POU6F2: variants seen among roughly 807,000 people sequenced by gnomAD.
The protein encoded by POU6F2 is POU domain, class 6, transcription factor 2.
Under a neutral mutation model 71.3 loss-of-function variants are expected in POU6F2, and 31 were observed. The observed-to-expected ratio is 0.43, with a 90% CI of 0.33 to 0.59. The LOEUF (loss-of-function observed/expected upper bound fraction) is 0.59. POU6F2 is among the 20% of genes least tolerant of loss of function. The pLI is 0.04. For synonymous variants in POU6F2, 347 were observed against 355.7 expected, an observed-to-expected ratio of 0.98 and a Z score of 0.27; for missense variants, 783 against 856.8, an observed-to-expected ratio of 0.91 and a Z score of 1.07.
chr7:39,142,039 A>G (rs1176225457), intron 2 of POU6F2, among the ~76,000 whole-genome samples: 1 of 152,074 alleles, frequency 6.6e-6, no homozygotes, highest in Non-Finnish European at 1.5e-5. Flanking sequence ...GTGAGCGGAG[A>G]TCGTGCCACT....
intron 2 of POU6F2, among the ~76,000 whole-genome samples, chr7:39,188,571 C>A (rs1203083363): frequency 2.0e-5 from 3 of 152,178 alleles, no homozygotes; most frequent in Non-Finnish European, 4.4e-5. Flanking sequence ...CCTTGGCCCC[C>A]CAAAGTGCTG....
intron 1 of POU6F2, among the ~76,000 whole-genome samples, chr7:39,012,898 G>T (rs1789342062): frequency 6.6e-6 from 1 of 152,314 alleles, no homozygotes; most frequent in East Asian, 1.9e-4. Context: ...ATCTCCAGCT[G>T]CGTGCTGGGA....
intron 5 of POU6F2, chr7:39,373,431 C>T (rs1210823660): frequency 4.4e-6 from 2 of 456,658 alleles, no homozygotes; most frequent in East Asian, 6.9e-5. Context: ...TGTTCCTGTT[C>T]TGTAGCCCAG....
chr7:39,148,242 C>T (rs539731336), intron 2 of POU6F2, among the ~76,000 whole-genome samples: 7 of 152,214 alleles, frequency 4.6e-5, no homozygotes, highest in Non-Finnish European at 1.0e-4. Context: ...GTTGGACCTT[C>T]TTGAGAATTG....
intron 2 of POU6F2, among the ~76,000 whole-genome samples, chr7:39,194,850 T>C (rs1196525825): frequency 6.6e-6 from 1 of 152,108 alleles, no homozygotes; most frequent in Admixed American, 6.5e-5. Flanking sequence ...GAAGAAGCAA[T>C]TCTGGACGTG....
chr7:39,349,688 G>A (rs1397770602), intron 5 of POU6F2, among the ~76,000 whole-genome samples: 1 of 152,178 alleles, frequency 6.6e-6, no homozygotes, highest in Non-Finnish European at 1.5e-5. Context: ...GTGGGGCATT[G>A]TCTTAGTTAC....
chr7:39,258,161 G>C (rs943720252), intron 4 of POU6F2, among the ~76,000 whole-genome samples: 1 of 152,104 alleles, frequency 6.6e-6, no homozygotes, highest in African/African-American at 2.4e-5. Context: ...ATAATACCAC[G>C]TAGATGACTT....
rs116743936 is a variant in POU6F2 at position 39,391,116 on chromosome 7, A to G, written c.973-15484A>G. 9.8e-3 allele frequency among the ~76,000 whole-genome samples: 1,492 copies of G among 152,296 alleles called. 31 individuals are homozygous for G. The highest frequency in any genetic ancestry group is 0.035 in the African/African-American group (1,435 of 41,564). On this transcript the variant is annotated intron_variant, in intron 5 of 9. Coordinates refer to ENST00000518318, the MANE Select transcript of POU6F2 (RefSeq NM_001370959.1). The stretch of plus-strand genomic sequence containing the variant: ...AATACATTATTCTTAAAACATTATG[A>G]ACTTCCATTTTATTTTGGTAAATTC...
intron 4 of POU6F2, among the ~76,000 whole-genome samples, chr7:39,294,458 G>A (rs565818669): frequency 6.6e-6 from 1 of 151,624 alleles, no homozygotes; most frequent in South Asian, 2.1e-4. Flanking sequence ...CTTTGGATAA[G>A]CAAAACAAAA....
rs151245355 is a variant in POU6F2, at chr7:39,333,762, A to G, written c.599-5880A>G. Among the ~76,000 whole-genome samples, 577 of 152,236 alleles carry G rather than the reference A, an allele frequency of 3.8e-3. 8 individuals carry two copies. Among genetic ancestry groups the G allele is most frequent in the African/African-American group, 0.013 (554 of 41,536 alleles). On this transcript the variant is annotated intron_variant, in intron 4 of 9. Transcript: ENST00000518318. ...CAAAAATAAATAAATAAATATAAAA[A>G]TAGTCTCAGTGTTGGGGAGCTGCAT...
intron 1 of POU6F2, among the ~76,000 whole-genome samples, chr7:39,017,626 A>G (rs1271357474): frequency 6.6e-6 from 1 of 152,098 alleles, no homozygotes; most frequent in Non-Finnish European, 1.5e-5. Context: ...CTCCTACCTC[A>G]TCTACTACAA....
rs547669823 is a variant in POU6F2, at chr7:39,075,327, C to G, written c.106-10533C>G. 4.6e-4 allele frequency among the ~76,000 whole-genome samples: 70 copies of G among 152,166 alleles called. 1 individual carries two copies. Among genetic ancestry groups the G allele is most frequent in the Admixed American group, 4.6e-3 (70 of 15,300 alleles). On this transcript the variant is annotated intron_variant, in intron 1 of 9. Coordinates refer to ENST00000518318, the MANE Select transcript of POU6F2 (RefSeq NM_001370959.1). ...CTGGCATGGTGGGTTGGAGTTCTGG[C>G]CCAACTCAGAAACTACTCTGGAAAC...
At chr7:39,461,624 C>T (rs1178547285) in intron 9 of POU6F2, among the ~76,000 whole-genome samples, 1 of 152,108 alleles carries the variant, frequency 6.6e-6, no homozygotes, top group African/African-American at 2.4e-5. Flanking sequence ...CCCCAAAGGA[C>T]GGAAGTGTAC....
At chr7:39,291,017 A>G (rs1051580498) in intron 4 of POU6F2, among the ~76,000 whole-genome samples, 106 of 424 alleles carry the variant, frequency 0.25, no homozygotes, top group East Asian at 0.5. Flanking sequence ...AGAGGACAGA[A>G]AAAAAAAAAA....
intron 1 of POU6F2, among the ~76,000 whole-genome samples, chr7:39,032,353 T>C (rs1353352236): frequency 1.3e-5 from 2 of 152,214 alleles, no homozygotes; most frequent in East Asian, 3.8e-4. Flanking sequence ...CATTATTCAA[T>C]TAAAAAGAGG....
chr7:39,440,227 C>T (rs1047636215), intron 7 of POU6F2, among the ~76,000 whole-genome samples: 3 of 152,110 alleles, frequency 2.0e-5, no homozygotes, highest in African/African-American at 7.2e-5. Context: ...GCATGTTGGC[C>T]TTTCTTGCTA....
chr7:39,055,119 C>T (rs1027946081), intron 1 of POU6F2, among the ~76,000 whole-genome samples: 29 of 151,812 alleles, frequency 1.9e-4, no homozygotes, highest in Admixed American at 1.6e-3. Context: ...ATTGTAGGAA[C>T]GAAGTAGACG....
chr7:38,986,662 T>C (rs926641364), intron 1 of POU6F2, among the ~76,000 whole-genome samples: 1 of 152,152 alleles, frequency 6.6e-6, no homozygotes, highest in Non-Finnish European at 1.5e-5. Flanking sequence ...TTTGAATTTT[T>C]TACTAAAAAA....
At chr7:39,274,447 T>G (rs1222859422) in intron 4 of POU6F2, among the ~76,000 whole-genome samples, 40 of 139,528 alleles carry the variant, frequency 2.9e-4, no homozygotes, top group Admixed American at 1.6e-3. Context: ...CCAGATGGAT[T>G]CACAGCCGAA....
Sources: gnomAD v4.1 joint callset for allele counts (sites outside exome capture counted in the v4.1 genomes callset) on GRCh38, gnomAD v4.1.1 for gene constraint, MANE v1.5 for transcripts, NCBI Gene and HGNC (gene_info 2026-07-23, HGNC 2026-07-21) for gene names.